Variants in TNRC6B observed in about 807,000 individuals in gnomAD.
TNRC6B encodes trinucleotide repeat-containing gene 6B protein.
TNRC6B carries 52 observed loss-of-function variants against 203.6 expected under a neutral mutation model. That is an observed-to-expected ratio of 0.26 (90% CI 0.20 to 0.32). The LOEUF is 0.32. TNRC6B is among the 10% of genes least tolerant of loss of function. The pLI is 1.00. For missense variants in TNRC6B, 1,923 were observed against 2,286.2 expected, an observed-to-expected ratio of 0.84 and a Z score of 3.24; for synonymous variants, 838 against 845.7, an observed-to-expected ratio of 0.99 and a Z score of 0.16.
intron 12 of TNRC6B, among the ~76,000 whole-genome samples, chr22:40,298,812 A>T (rs2070980554): frequency 6.6e-6 from 1 of 151,928 alleles, no homozygotes; most frequent in Non-Finnish European, 1.5e-5. Flanking sequence ...TAAAAATACC[A>T]AAAATTAGCC....
intron 4 of TNRC6B, chr22:40,156,214 T>C: frequency 6.5e-7 from 1 of 1,548,668 alleles, no homozygotes; most frequent in Non-Finnish European, 8.7e-7. Flanking sequence ...AAGAGTCCTA[T>C]TACAGATCCT....
chr22:40,132,969 A>AAAAAAAAAAATAT (rs1282694632), intron 3 of TNRC6B, among the ~76,000 whole-genome samples: 2 of 78,172 alleles, frequency 2.6e-5, no homozygotes, highest in East Asian at 7.9e-4. Flanking sequence ...AAAAAAAAAA[A>AAAAAAAAAAATAT]ATATATATAT....
chr22:40,143,465 T>C (rs2068661725), intron 3 of TNRC6B, among the ~76,000 whole-genome samples: 1 of 151,854 alleles, frequency 6.6e-6, no homozygotes. Context: ...TGGAAAACTA[T>C]AGATTGGGAA....
chr22:40,183,848 C>G (rs997964427), intron 1 of TNRC6B, among the ~76,000 whole-genome samples: 1 of 152,114 alleles, frequency 6.6e-6, no homozygotes, highest in African/African-American at 2.4e-5. Context: ...GCGCCTGCCA[C>G]TACACCCAGC....
At chr22:40,099,993 C>T (rs889129786) in intron 1 of TNRC6B, among the ~76,000 whole-genome samples, 12 of 152,078 alleles carry the variant, frequency 7.9e-5, no homozygotes, top group African/African-American at 1.7e-4. Context: ...CCTCATGATC[C>T]GCCCACCTCG....
intron 1 of TNRC6B, among the ~76,000 whole-genome samples, chr22:40,088,701 C>A (rs1355441710): frequency 6.6e-6 from 1 of 151,484 alleles, no homozygotes; most frequent in African/African-American, 2.4e-5. Context: ...GTGATCCACC[C>A]ACCTTGGCCT....
In TNRC6B at chr22:40,151,080, G is replaced by T. The variant is rs921469485; in HGVS notation, c.46-5035G>T. Reference sequence around the variant, plus strand: ...GTGACCAAAGACAAAAGAGGAACTTGGAGGAAACAGAGACAATGTAGGGAG... The same window carrying T: ...GTGACCAAAGACAAAAGAGGAACTTTGAGGAAACAGAGACAATGTAGGGAG... On this transcript the variant is annotated intron_variant, in intron 3 of 23. Coordinates refer to the TNRC6B transcript ENST00000301923. Among the ~76,000 whole-genome samples the T allele has an allele frequency of 9.8e-5, 15 of 152,314 alleles. No individual in the cohort carries two copies. The Middle Eastern group carries it at 0.01, about 104-fold the overall frequency.
At chr22:40,185,577 G>A (rs2069190228) in intron 1 of TNRC6B, among the ~76,000 whole-genome samples, 1 of 152,194 alleles carries the variant, frequency 6.6e-6, no homozygotes, top group Non-Finnish European at 1.5e-5. Context: ...ACTCATGGCA[G>A]GCTGTATTAG....
chr22:40,208,349 C>T (rs2069514543), intron 1 of TNRC6B, among the ~76,000 whole-genome samples: 1 of 152,022 alleles, frequency 6.6e-6, no homozygotes, highest in Non-Finnish European at 1.5e-5. Flanking sequence ...AGGAGGCATG[C>T]CCTAAGATGT....
chr22:40,107,638 C>CA (rs142811151), intron 1 of TNRC6B, among the ~76,000 whole-genome samples: 2,767 of 152,108 alleles, frequency 0.018, 86 homozygotes, highest in African/African-American at 0.064. Context: ...TACTGTTAGA[C>CA]AAATTTAAGC....
chr22:40,048,472 C>T lies in TNRC6B; in HGVS notation c.-121+3474C>T, dbSNP rs1296107151. Among the ~76,000 whole-genome samples the T allele has an allele frequency of 3.3e-5, 5 of 149,438 alleles. No individual in the cohort carries two copies. In the East Asian group the frequency reaches 6.0e-4, roughly 18 times the overall value. On this transcript the variant is annotated intron_variant, in intron 1 of 23. Transcript: ENST00000301923. ...AGGAGAATTGCTTGAACCAAGGAGG[C>T]GGAGGCTGCAGTGACCTGAGATCGC... is the stretch of plus-strand genomic sequence containing the variant.
intron 1 of TNRC6B, among the ~76,000 whole-genome samples, chr22:40,184,508 C>T (rs915348391): frequency 1.3e-5 from 2 of 152,062 alleles, no homozygotes; most frequent in African/African-American, 4.8e-5. Flanking sequence ...GTATAAGCCA[C>T]GTTTGAAAGT....
At chr22:40,129,462 A>G (rs2068522496) in intron 3 of TNRC6B, among the ~76,000 whole-genome samples, 1 of 152,186 alleles carries the variant, frequency 6.6e-6, no homozygotes, top group African/African-American at 2.4e-5. Flanking sequence ...AGTGGAGGAA[A>G]GACAGACTTG....
At chr22:40,131,237 G>A (rs1339916193) in intron 3 of TNRC6B, among the ~76,000 whole-genome samples, 3 of 152,042 alleles carry the variant, frequency 2.0e-5, no homozygotes, top group Non-Finnish European at 4.4e-5. Flanking sequence ...AAGTCTTATT[G>A]GAGGAAGTGA....
At chr22:40,070,412 A>G (rs1297212168) in intron 1 of TNRC6B, among the ~76,000 whole-genome samples, 2 of 152,216 alleles carry the variant, frequency 1.3e-5, no homozygotes, top group African/African-American at 2.4e-5. Context: ...TTCTTTAAAC[A>G]TAAAAAGAAA....
chr22:40,179,339 A>AC (rs2069104431), intron 1 of TNRC6B, among the ~76,000 whole-genome samples: 1 of 146,304 alleles, frequency 6.8e-6, no homozygotes, highest in South Asian at 2.2e-4. Flanking sequence ...AATTGCCCCC[A>AC]CCCCTGGGTA....
intron 21 of TNRC6B, among the ~76,000 whole-genome samples, chr22:40,316,441 G>T (rs1403619687): frequency 2.0e-5 from 3 of 152,088 alleles, no homozygotes; most frequent in Non-Finnish European, 4.4e-5. Flanking sequence ...CAAGGCGAGA[G>T]GATTGCTTGA....
chr22:40,281,372 G>A, intron 11 of TNRC6B, 83 bp downstream of exon 11: 1 of 1,225,658 alleles, frequency 8.2e-7, no homozygotes. Context: ...TCATTTGTCT[G>A]TCTTGGGAAA....
intron 1 of TNRC6B, among the ~76,000 whole-genome samples, chr22:40,203,414 G>C (rs544129210): frequency 6.6e-6 from 1 of 151,982 alleles, no homozygotes; most frequent in African/African-American, 2.4e-5. Flanking sequence ...TACTCCTTGC[G>C]TCTGCTTTAA....
Sources: allele counts gnomAD v4.1 joint callset (sites outside exome capture counted in the v4.1 genomes callset), GRCh38; gene constraint gnomAD v4.1.1; transcripts MANE v1.5; gene names NCBI Gene and HGNC (gene_info 2026-07-23, HGNC 2026-07-21).